CCDC158: variants seen among roughly 807,000 people sequenced by gnomAD.
CCDC158 encodes coiled-coil domain-containing protein 158.
Under a neutral mutation model 138.6 loss-of-function variants are expected in CCDC158, and 116 were observed. That is an observed-to-expected ratio of 0.84 (90% confidence interval 0.72 to 0.98). The LOEUF is 0.98. Ranked by LOEUF, CCDC158 falls within the 50% of genes least tolerant of loss-of-function variation. The pLI, the probability that CCDC158 is intolerant of heterozygous loss-of-function variation, is 0.00. For missense variants in CCDC158, 1,265 were observed against 1,306.1 expected, an observed-to-expected ratio of 0.97 and a Z score of 0.48; for synonymous variants, 436 against 442.4, an observed-to-expected ratio of 0.99 and a Z score of 0.18.
intron 13 of CCDC158, among the ~76,000 whole-genome samples, chr4:76,359,781 G>A (rs1251579686): frequency 1.3e-5 from 2 of 152,328 alleles, no homozygotes; most frequent in Non-Finnish European, 2.9e-5. Context: ...TAAAAGGGAA[G>A]TAGAGCATAA....
At chr4:76,382,986 C>T (rs757792321) in intron 7 of CCDC158, among the ~76,000 whole-genome samples, 4 of 152,092 alleles carry the variant, frequency 2.6e-5, no homozygotes, top group Non-Finnish European at 5.9e-5. Context: ...ATGACACCCC[C>T]AATGAGATCT....
chr4:76,344,583 C>T (rs925051896), intron 18 of CCDC158: 2 of 1,206,652 alleles, frequency 1.7e-6, no homozygotes, highest in Non-Finnish European at 2.5e-6. Flanking sequence ...GAATGTTGAT[C>T]CCTCGCTTCA....
At chr4:76,352,831 A>G (rs1222057198) in intron 16 of CCDC158, 2 of 243,520 alleles carry the variant, frequency 8.2e-6, no homozygotes, top group Non-Finnish European at 1.5e-5. Flanking sequence ...CTTTTTACTT[A>G]TTCATGTCAC....
intron 18 of CCDC158, among the ~76,000 whole-genome samples, chr4:76,336,490 G>A (rs1024272395): frequency 9.2e-5 from 14 of 152,126 alleles, no homozygotes; most frequent in African/African-American, 3.4e-4. Context: ...TATCAAAAGT[G>A]ATGAAGAATT....
intron 12 of CCDC158, among the ~76,000 whole-genome samples, chr4:76,362,752 T>C (rs2110217070): frequency 6.6e-6 from 1 of 152,338 alleles, no homozygotes; most frequent in Admixed American, 6.5e-5. Flanking sequence ...CCTGGGCACC[T>C]CAGTTACCTC....
At chr4:76,409,875 T>C (rs928842258) in intron 2 of CCDC158, among the ~76,000 whole-genome samples, 1 of 151,502 alleles carries the variant, frequency 6.6e-6, no homozygotes, top group African/African-American at 2.4e-5. Context: ...TATCTGTGTA[T>C]CTATTCTACT....
At chr4:76,366,867 C>G (rs28452573) in intron 12 of CCDC158, among the ~76,000 whole-genome samples, 4,448 of 152,200 alleles carry the variant, frequency 0.029, 213 homozygotes, top group African/African-American at 0.1. Context: ...AGTAACCCAA[C>G]AGGTTGTTGG....
intron 18 of CCDC158, among the ~76,000 whole-genome samples, chr4:76,335,785 A>G (rs1721427190): frequency 6.6e-6 from 1 of 152,134 alleles, no homozygotes; most frequent in African/African-American, 2.4e-5. Flanking sequence ...GTTGCCCTGG[A>G]TGATCTCAAA....
At chr4:76,345,793 A>G (rs764779069) in intron 18 of CCDC158, among the ~76,000 whole-genome samples, 2 of 152,258 alleles carry the variant, frequency 1.3e-5, no homozygotes, top group African/African-American at 2.4e-5. Context: ...AAGAATCAAT[A>G]TCGTGAAAAT....
In CCDC158 at chr4:76,355,773, AAATATAT is replaced by A. The variant is rs1405714950; in HGVS notation, c.2174-344_2174-338del. ...TAAACTCATACTTACCCATGTAGGG[AAATATAT>A]AATATATAATATATGTACGTGTGTG... is the stretch of plus-strand genomic sequence containing the variant. On this transcript the variant is annotated intron_variant, in intron 14 of 24. Transcript: ENST00000682701. Among the ~76,000 whole-genome samples the A allele has an allele frequency of 4.1e-5, 6 of 146,714 alleles. No homozygotes were observed. In the South Asian group the frequency reaches 8.8e-4, roughly 22 times the overall value.
chr4:76,344,853 G>A (rs1209373329), intron 18 of CCDC158: 2 of 1,587,124 alleles, frequency 1.3e-6, no homozygotes, highest in Non-Finnish European at 1.7e-6. Flanking sequence ...TATGACCAAA[G>A]AAGAATTTGC....
At position 76,367,773 on chromosome 4, in the gene CCDC158, C is replaced by T. The variant is rs758631188; in HGVS notation, c.1351G>A (p.Ala451Thr). The change falls in exon 12 of 25, where the codon GCA becomes ACA. Residue 451 changes from alanine (A) to threonine (T), a missense_variant. By Grantham distance (58) the Ala-to-Thr change is moderately conservative (BLOSUM62 0). Coordinates refer to ENST00000682701, the MANE Select transcript of CCDC158 (RefSeq NM_001394954.1). ...CTTTCATTCTTTCCTTGAATTGCTGCCATCTGATTGTTAAAGAAAAGAGAA... is the reference window on the plus strand; with the variant it reads ...CTTTCATTCTTTCCTTGAATTGCTGTCATCTGATTGTTAAAGAAAAGAGAA... ...ECQGQMERQM[A>T]AIQGKNESLE... The T allele has an allele frequency of 4.0e-5, 64 of 1,594,982 alleles. No individual in the cohort carries two copies. In the East Asian group the frequency reaches 1.3e-3, roughly 32 times the overall value.
chr4:76,362,288 T>C lies in CCDC158; in HGVS notation c.1858A>G (p.Ile620Val). ...KILKDKKDAKIRELEARVSDL... is the reference protein window; with the variant it reads ...KILKDKKDAKVRELEARVSDL... ...CTCACTCTGGCCTCAAGCTCCCGGA[T>C]CTTTGCATCTTTTTTATCTTTTAAT... Residue 620 changes from isoleucine to valine, a missense_variant, in exon 13 of 25, where the codon ATC (isoleucine) becomes GTC (valine). By Grantham distance (29) the Ile-to-Val change is conservative (BLOSUM62 3). Transcript: ENST00000682701. 1 of 1,612,608 alleles carries C rather than the reference T, an allele frequency of 6.2e-7. No homozygotes were observed. Among genetic ancestry groups the C allele is most frequent in the Non-Finnish European group, 8.5e-7 (1 of 1,179,588 alleles).
intron 2 of CCDC158, among the ~76,000 whole-genome samples, chr4:76,407,571 C>G (rs992252892): frequency 5.9e-5 from 9 of 152,080 alleles, no homozygotes; most frequent in African/African-American, 1.9e-4. Flanking sequence ...TACTGATACA[C>G]TAACATGATA....
chr4:76,353,331 G>A (rs1431551588), intron 15 of CCDC158, 50 bp from the exon 16 acceptor site: 1 of 1,399,076 alleles, frequency 7.1e-7, no homozygotes, highest in Non-Finnish European at 9.8e-7. Context: ...TGATGTAGAT[G>A]CTGAAAGGTA....
intron 4 of CCDC158, among the ~76,000 whole-genome samples, chr4:76,388,252 G>C (rs139752975): frequency 6.6e-6 from 1 of 152,230 alleles, no homozygotes; most frequent in Non-Finnish European, 1.5e-5. Flanking sequence ...AGCCACAGTC[G>C]GGTAGAGCAA....
intron 24 of CCDC158, among the ~76,000 whole-genome samples, chr4:76,321,350 A>AGTT (rs1719979639): frequency 6.6e-6 from 1 of 152,142 alleles, no homozygotes; most frequent in Non-Finnish European, 1.5e-5. Flanking sequence ...TATGGAAAGC[A>AGTT]GTACAGAGAT....
At chr4:76,410,986 A>G (rs190623362) in intron 2 of CCDC158, among the ~76,000 whole-genome samples, 2 of 152,370 alleles carry the variant, frequency 1.3e-5, no homozygotes, top group East Asian at 3.9e-4. Context: ...CCTCAAAAGA[A>G]TAAGAGTTAA....
rs1723002695 is a variant in CCDC158, at chr4:76,351,124, G to C, written c.2539-3C>G. On this transcript the variant is annotated splice_region_variant and splice_polypyrimidine_tract_variant and intron_variant, in intron 17 of 24. Coordinates refer to ENST00000682701, the MANE Select transcript of CCDC158 (RefSeq NM_001394954.1). The stretch of plus-strand genomic sequence containing the variant: ...GTGTATCCAGGGCCCTGAAGTTCCT[G>C]GAAAACAATATAGAGGTAAGCAAAA... The C allele has an allele frequency of 1.2e-6, 2 of 1,610,122 alleles. No homozygotes were observed. Among genetic ancestry groups the C allele is most frequent in the Admixed American group, 1.7e-5 (1 of 59,538 alleles).
Sources: gnomAD v4.1 joint callset for allele counts (sites outside exome capture counted in the v4.1 genomes callset) on GRCh38, gnomAD v4.1.1 for gene constraint, MANE v1.5 for transcripts, NCBI Gene and HGNC (gene_info 2026-07-23, HGNC 2026-07-21) for gene names.